RALA: variants seen among roughly 807,000 people sequenced by gnomAD.
The protein encoded by RALA is RAS like proto-oncogene A.
RALA carries 5 observed loss-of-function variants against 24.0 expected under a neutral mutation model. The observed-to-expected ratio is 0.21, with a 90% CI of 0.11 to 0.44. The LOEUF (loss-of-function observed/expected upper bound fraction) is 0.44, where lower values mean the gene tolerates loss of function less well. RALA is among the 20% of genes least tolerant of loss of function. The pLI is 0.99. For missense variants in RALA, 95 were observed against 241.2 expected, an observed-to-expected ratio of 0.39 and a Z score of 4.01; for synonymous variants, 77 against 83.8, an observed-to-expected ratio of 0.92 and a Z score of 0.44.
Position 39,707,505 on chromosome 7 carries a change from C to A in RALA, c.*1260C>A, listed in dbSNP as rs759771693. ...GAAAACGTGGCACACACTGACCACA[C>A]ATTAGGCTGTGTCACCATTGTGTGG... is the stretch of plus-strand genomic sequence containing the variant. On this transcript the variant is annotated 3_prime_UTR_variant, in exon 5 of 5. Coordinates refer to ENST00000005257, the MANE Select transcript of RALA (RefSeq NM_005402.4). 6.6e-6 allele frequency: 1 copy of A among 152,200 alleles called. No individual in the cohort carries two copies. The highest frequency in any genetic ancestry group is 2.4e-5 in the African/African-American group (1 of 41,452). The allele number at this position is 152,200 out of a possible 1,614,324, so 9.4% of individuals were successfully genotyped here. A position where few individuals can be genotyped will look rare whatever the true frequency, so the allele number is the denominator to read the frequency against.
chr7:39,702,040 T>G (rs1398949748), intron 4 of RALA, among the ~76,000 whole-genome samples: 1 of 152,242 alleles, frequency 6.6e-6, no homozygotes, highest in East Asian at 1.9e-4. Flanking sequence ...GGCAGTGTGA[T>G]TTATTATGTC....
chr7:39,661,833 G>C lies in RALA; in HGVS notation c.-37-24798G>C, dbSNP rs147279822. 4.4e-3 allele frequency among the ~76,000 whole-genome samples: 669 copies of C among 152,306 alleles called. 1 individual carries two copies. The highest frequency in any genetic ancestry group is 0.015 in the African/African-American group (623 of 41,566). On this transcript the variant is annotated intron_variant, in intron 1 of 4. Coordinates refer to ENST00000005257, the MANE Select transcript of RALA (RefSeq NM_005402.4). Reference sequence around the variant, plus strand: ...CAGTGTCCCAGTGGGGACTTTGTTGGGGGGCTTCAACCCCACATTTCCCTT... The same window carrying C: ...CAGTGTCCCAGTGGGGACTTTGTTGCGGGGCTTCAACCCCACATTTCCCTT...
At chr7:39,630,653 A>C (rs1165495094) in intron 1 of RALA, among the ~76,000 whole-genome samples, 1 of 152,180 alleles carries the variant, frequency 6.6e-6, no homozygotes, top group Non-Finnish European at 1.5e-5. Context: ...TTCATTTCTC[A>C]CATTTAGTTC....
intron 1 of RALA, among the ~76,000 whole-genome samples, chr7:39,676,769 C>T (rs149156363): frequency 3.3e-5 from 5 of 152,036 alleles, no homozygotes; most frequent in South Asian, 2.1e-4. Flanking sequence ...ATTGAAAAAA[C>T]GGGTTGATTG....
At chr7:39,669,809 A>T (rs1273394477) in intron 1 of RALA, among the ~76,000 whole-genome samples, 2 of 49,662 alleles carry the variant, frequency 4.0e-5, no homozygotes, top group African/African-American at 1.3e-4. Context: ...CTGTCTCTTT[A>T]AAAAAAAAAA....
In RALA at chr7:39,706,503, G is replaced by A. The variant is rs1448214766; in HGVS notation, c.*258G>A. 3.5e-6 allele frequency: 1 copy of A among 283,576 alleles called. No individual in the cohort carries two copies. The highest frequency in any genetic ancestry group is 2.2e-5 in the African/African-American group (1 of 44,656). 17.6% of individuals were successfully genotyped at this position (283,576 alleles called of 1,614,324 possible). On this transcript the variant is annotated 3_prime_UTR_variant, in exon 5 of 5. Coordinates refer to ENST00000005257, the MANE Select transcript of RALA (RefSeq NM_005402.4). ...GGTCCTGAATGTAGCGTGTAAGCTT[G>A]TGTTTCTTGGGCAGTCTTTCTTGAA...
chr7:39,699,944 A>G (rs1280889529), intron 4 of RALA, among the ~76,000 whole-genome samples: 3 of 152,042 alleles, frequency 2.0e-5, no homozygotes, highest in African/African-American at 7.2e-5. Flanking sequence ...ATCCACAACC[A>G]AATGCAGACA....
At chr7:39,664,511 C>T (rs1480891711) in intron 1 of RALA, among the ~76,000 whole-genome samples, 2 of 152,124 alleles carry the variant, frequency 1.3e-5, no homozygotes, top group Non-Finnish European at 2.9e-5. Flanking sequence ...AACACTACGT[C>T]TCTGAATTCA....
intron 1 of RALA, among the ~76,000 whole-genome samples, chr7:39,651,165 A>G (rs1005716362): frequency 5.9e-5 from 9 of 152,228 alleles, no homozygotes; most frequent in African/African-American, 2.2e-4. Flanking sequence ...TTTATTATAA[A>G]ATAGGCTTTG....
At chr7:39,655,719 A>T (rs73387337) in intron 1 of RALA, among the ~76,000 whole-genome samples, 4,382 of 152,226 alleles carry the variant, frequency 0.029, 227 homozygotes, top group African/African-American at 0.099. Flanking sequence ...TCTTTGAGTT[A>T]TGTCATGCCA....
chr7:39,631,325 G>C (rs1791595420), intron 1 of RALA, among the ~76,000 whole-genome samples: 1 of 151,670 alleles, frequency 6.6e-6, no homozygotes, highest in African/African-American at 2.4e-5. Flanking sequence ...TGTTTTTATT[G>C]GGATCACATT....
At chr7:39,649,566 A>G (rs1004974791) in intron 1 of RALA, among the ~76,000 whole-genome samples, 6 of 152,280 alleles carry the variant, frequency 3.9e-5, no homozygotes, top group Non-Finnish European at 7.4e-5. Context: ...TCCCCGCTGG[A>G]GGATGCAGCA....
intron 1 of RALA, among the ~76,000 whole-genome samples, chr7:39,673,878 T>A (rs1792430848): frequency 6.6e-6 from 1 of 152,032 alleles, no homozygotes; most frequent in South Asian, 2.1e-4. Context: ...ACCTAGTGGC[T>A]CAAACTTATA....
At chr7:39,625,144 T>C (rs1480916838) in intron 1 of RALA, among the ~76,000 whole-genome samples, 6 of 152,200 alleles carry the variant, frequency 3.9e-5, no homozygotes, top group Non-Finnish European at 8.8e-5. Flanking sequence ...ATAGGTTATC[T>C]CACAGTCACC....
intron 3 of RALA, among the ~76,000 whole-genome samples, chr7:39,694,763 C>T (rs1342147810): frequency 2.6e-5 from 4 of 151,932 alleles, no homozygotes; most frequent in Non-Finnish European, 4.4e-5. Flanking sequence ...ATGCCTGCAG[C>T]CAGGTACAGT....
At chr7:39,651,476 T>C (rs1792017495) in intron 1 of RALA, among the ~76,000 whole-genome samples, 1 of 152,262 alleles carries the variant, frequency 6.6e-6, no homozygotes, top group African/African-American at 2.4e-5. Flanking sequence ...CTCCGTGTCA[T>C]GTGACCAGTG....
At chr7:39,630,995 C>G (rs1791587845) in intron 1 of RALA, among the ~76,000 whole-genome samples, 1 of 142,146 alleles carries the variant, frequency 7.0e-6, no homozygotes, top group African/African-American at 2.7e-5. Context: ...CAATTCATTG[C>G]TGGTTTTTTG....
At chr7:39,660,651 A>G (rs766672828) in intron 1 of RALA, among the ~76,000 whole-genome samples, 5 of 152,194 alleles carry the variant, frequency 3.3e-5, no homozygotes, top group Non-Finnish European at 7.3e-5. Context: ...TGACCCTTGA[A>G]CAACACAGGT....
At chr7:39,699,124 T>TG (rs1792973261) in intron 4 of RALA, among the ~76,000 whole-genome samples, 1 of 98,256 alleles carries the variant, frequency 1.0e-5, no homozygotes, top group Non-Finnish European at 2.0e-5. Context: ...AAATGTTATT[T>TG]TTTTTTTTTT....
Sources: gnomAD v4.1 joint callset for allele counts (sites outside exome capture counted in the v4.1 genomes callset) on GRCh38, gnomAD v4.1.1 for gene constraint, MANE v1.5 for transcripts, NCBI Gene and HGNC (gene_info 2026-07-23, HGNC 2026-07-21) for gene names.